The following MSLN variants were observed in gnomAD, a reference collection of about 807,000 sequenced individuals.
MSLN encodes mesothelin.
A neutral mutation model predicts 72.6 loss-of-function variants in MSLN; 82 were observed. The observed-to-expected ratio is 1.13, with a 90% confidence interval of 0.94 to 1.36. MSLN has a LOEUF of 1.36. Among genes scored for constraint, MSLN ranks in the 40% most tolerant of loss-of-function variants. The pLI is 0.00. For missense variants in MSLN, 1,005 were observed against 847.9 expected, an observed-to-expected ratio of 1.19 and a Z score of -2.30; for synonymous variants, 456 against 387.3, an observed-to-expected ratio of 1.18 and a Z score of -2.08.
intron 5 of MSLN, 113 bp downstream of exon 5, chr16:763,804 C>T: frequency 1.9e-5 from 1 of 52,582 alleles, no homozygotes; most frequent in South Asian, 1.1e-4. Flanking sequence ...TCCTCTGCTC[C>T]ACCTCAGATC....
intron 4 of MSLN, 58 bp downstream of exon 4, chr16:763,334 T>C: frequency 7.3e-7 from 1 of 1,367,782 alleles, no homozygotes; most frequent in Non-Finnish European, 1.0e-6. Context: ...GGGGGTGCCA[T>C]GCTGTGTTCT....
intron 6 of MSLN, among the ~76,000 whole-genome samples, 165 bp from the exon 7 acceptor site, chr16:764,482 C>T (rs1004999816): frequency 2.3e-4 from 35 of 152,170 alleles, no homozygotes; most frequent in African/African-American, 7.7e-4. Flanking sequence ...GGCACGGGAG[C>T]CCCCATCCCC....
intron 3 of MSLN, 26 bp downstream of exon 3, chr16:762,791 G>A: frequency 6.5e-7 from 1 of 1,547,340 alleles, no homozygotes; most frequent in Non-Finnish European, 8.7e-7. Context: ...GGCTGCTGGT[G>A]AGGTGGGGAC....
Position 766,497 on chromosome 16 carries a change from G to T in MSLN, c.1230+7G>T, listed in dbSNP as rs112279390. On this transcript the variant is annotated splice_region_variant and intron_variant, in intron 13 of 17. Coordinates refer to ENST00000545450, the MANE Select transcript of MSLN (RefSeq NM_005823.6). ...GCACGAAATGAGTCCTCAGGTGACC[G>T]TCCGGCTCGGGGGTCATGTGGCATG... 8.1e-6 allele frequency: 13 copies of T among 1,612,520 alleles called. 4 individuals carry two copies.
At position 763,204 on chromosome 16, in the gene MSLN, C is replaced by A. The variant is rs966313134; in HGVS notation, c.86-29C>A. 4.0e-6 allele frequency: 6 copies of A among 1,498,872 alleles called. No individual in the cohort carries two copies. The African/African-American group carries it at 8.4e-5, about 21-fold the overall frequency. The allele number at this position is 1,498,872 out of a possible 1,614,324, so 92.8% of individuals were successfully genotyped here. ...GGCACAGCCCAGAGGCCCGCCCCCT[C>A]CCCCAAGCTGTCCCCTCTGCCCCTT... is the stretch of plus-strand genomic sequence containing the variant. On this transcript the variant is annotated intron_variant, in intron 3 of 17. Transcript: ENST00000545450.
rs762838919 is a variant in MSLN at position 767,479 on chromosome 16, AGCGGGAGGAGGGGC to A, written c.1596+11_1596+24del. On this transcript the variant is annotated intron_variant, in intron 16 of 17. Transcript: ENST00000545450. ...GGACGGATGCGGTGCTGGTATGGCG[AGCGGGAGGAGGGGC>A]GTGTGGAGGAGGGGCCCGTGGAGGA... is the stretch of plus-strand genomic sequence containing the variant. The A allele has an allele frequency of 2.1e-6, 3 of 1,423,068 alleles. No homozygotes were observed. The highest frequency in any genetic ancestry group is 2.1e-5 in the African/African-American group (1 of 47,742). The allele number at this position is 1,423,068 out of a possible 1,614,324, so 88.2% of individuals were successfully genotyped here. A position where few individuals can be genotyped will look rare whatever the true frequency, so the allele number is the denominator to read the frequency against.
chr16:766,032 C>T (rs537669120), intron 11 of MSLN, 27 bp from the exon 12 acceptor site: 2 of 1,577,846 alleles, frequency 1.3e-6, no homozygotes, highest in Non-Finnish European at 1.7e-6. Flanking sequence ...AACTCCGGCC[C>T]TGACCCCTGA....
In MSLN at chr16:765,316, G is replaced by A. The variant is rs922436042; in HGVS notation, c.704+13G>A. ...GACCCCCCTACGGGTAAGTGAAGGT[G>A]TCTGGAACCTCGAAGGCTCACCTGG... On this transcript the variant is annotated intron_variant, in intron 9 of 17. Coordinates refer to ENST00000545450, the MANE Select transcript of MSLN (RefSeq NM_005823.6). The A allele has an allele frequency of 4.5e-6, 7 of 1,551,588 alleles. No individual in the cohort carries two copies. The highest frequency in any genetic ancestry group is 3.4e-4 in the Middle Eastern group (2 of 5,894).
chr16:763,254 C>A lies in MSLN; in HGVS notation c.107C>A (p.Thr36Asn). 6.5e-7 allele frequency: 1 copy of A among 1,542,728 alleles called. No individual in the cohort carries two copies. Among genetic ancestry groups the A allele is most frequent in the East Asian group, 2.4e-5 (1 of 40,820 alleles). ...FSLGWVQPSRTLAGETGQEAA... is the reference protein window; with the variant it reads ...FSLGWVQPSRNLAGETGQEAA... ...TTAGGATGGGTGCAGCCCTCGAGGA[C>A]CCTGGCTGGAGAGACAGGGCAGGTA... Residue 36 changes from threonine to asparagine, a missense_variant, in exon 4 of 18, where the codon ACC (threonine) becomes AAC (asparagine). Coordinates refer to ENST00000545450, the MANE Select transcript of MSLN (RefSeq NM_005823.6).
Position 765,706 on chromosome 16 carries a change from T to G in MSLN, c.811T>G (p.Trp271Gly). Residue 271 changes from tryptophan to glycine, a missense_variant, in exon 11 of 18, where the codon TGG (tryptophan) becomes GGG (glycine). Physicochemically the swap from Trp to Gly is radical, Grantham distance 184. Coordinates refer to ENST00000545450, the MANE Select transcript of MSLN (RefSeq NM_005823.6). ...TCGTCCTCAGGGCATCGTGGCCGCGTGGCGGCAACGCTCCTCTCGGGACCC... is the reference window on the plus strand; with the variant it reads ...TCGTCCTCAGGGCATCGTGGCCGCGGGGCGGCAACGCTCCTCTCGGGACCC... ...RSIPQGIVAA[W>G]RQRSSRDPSW... 6.2e-7 allele frequency: 1 copy of G among 1,600,886 alleles called. No individual in the cohort carries two copies.
At chr16:765,461 C>G (rs1189882751) in intron 9 of MSLN, 66 bp from the exon 10 acceptor site, 1 of 1,496,160 alleles carries the variant, frequency 6.7e-7, no homozygotes, top group African/African-American at 1.4e-5. Flanking sequence ...GGGGGTACGG[C>G]CTGGCCTCTT....
intron 5 of MSLN, 100 bp downstream of exon 5, chr16:763,791 T>TCCCCTCCCCCACACCCCTCCCC: frequency 4.7e-6 from 3 of 635,464 alleles, no homozygotes; most frequent in Non-Finnish European, 8.0e-6. Context: ...CCCTCCCCCT[T>TCCCCTCCCCCACACCCCTCCCC]CCTCCTCTGC....
chr16:764,666 G>A lies in MSLN; in HGVS notation c.320G>A (p.Arg107Gln), dbSNP rs989324901. 2.3e-5 allele frequency: 37 copies of A among 1,612,356 alleles called. No homozygotes were observed. The highest frequency in any genetic ancestry group is 3.1e-5 in the Non-Finnish European group (36 of 1,179,810). ...STEQLRCLAH[R>Q]LSEPPEDLDA... ...CTGCAGCTGCGCTGTCTGGCTCACC[G>A]GCTCTCTGAGCCCCCCGAGGACCTG... Residue 107 changes from arginine to glutamine, a missense_variant, in exon 7 of 18, where the codon CGG becomes CAG. By Grantham distance (43) the Arg-to-Gln change is conservative (BLOSUM62 1). Transcript: ENST00000545450.
Position 766,219 on chromosome 16 carries a change from A to T in MSLN, c.1056A>T (p.Leu352=). The T allele has an allele frequency of 6.2e-7, 1 of 1,611,014 alleles. No homozygotes were observed. The highest frequency in any genetic ancestry group is 1.7e-5 in the Admixed American group (1 of 60,002). ...IPFTYEQLDV[L]KHKLDELYPQ... ...TCACCTACGAGCAGCTGGACGTCCTAAAGCATAAACTGGATGAGGTAGTTC... is the reference window on the plus strand; with the variant it reads ...TCACCTACGAGCAGCTGGACGTCCTTAAGCATAAACTGGATGAGGTAGTTC... The change falls in exon 12 of 18, where the codon CTA becomes CTT. Residue 352 remains leucine (L), a synonymous_variant. Coordinates refer to ENST00000545450, the MANE Select transcript of MSLN (RefSeq NM_005823.6).
intron 7 of MSLN, 33 bp downstream of exon 7, chr16:764,759 C>T: frequency 6.5e-7 from 1 of 1,534,684 alleles, no homozygotes; most frequent in Middle Eastern, 2.1e-4. Context: ...ACCCCCCCGG[C>T]TTTTGCCGCC....
chr16:764,246 G>A (rs2041574359), intron 6 of MSLN, 103 bp downstream of exon 6: 1 of 1,433,134 alleles, frequency 7.0e-7, no homozygotes, highest in Middle Eastern at 2.2e-4. Context: ...CTCTGTCCCT[G>A]CTGCCATCTC....
In MSLN at chr16:763,836, G is replaced by A. The variant is rs1365817697; in HGVS notation, c.179+145G>A. ...GATCTGACTGGGCTCAGGACTGCGGGAGGGACTGACACCCCTCAGGTGATG... is the reference window on the plus strand; with the variant it reads ...GATCTGACTGGGCTCAGGACTGCGGAAGGGACTGACACCCCTCAGGTGATG... On this transcript the variant is annotated intron_variant, in intron 5 of 17. Coordinates refer to ENST00000545450, the MANE Select transcript of MSLN (RefSeq NM_005823.6). 38 of 86,832 alleles carry A rather than the reference G, an allele frequency of 4.4e-4. No individual in the cohort carries two copies. The East Asian group carries it at 0.033, about 76-fold the overall frequency. The allele number at this position is 86,832 out of a possible 1,614,324, so 5.4% of individuals were successfully genotyped here.
rs375105868 is a variant in MSLN, at chr16:762,653, G to A, written c.-9-19G>A. 31 of 1,591,796 alleles carry A rather than the reference G, an allele frequency of 1.9e-5. No homozygotes were observed. Among genetic ancestry groups the A allele is most frequent in the African/African-American group, 6.7e-5 (5 of 74,412 alleles). Reference sequence around the variant, plus strand: ...GGGTGGGAGCAGGGGGTCCCATCCTGAGTCACTGCCCTCCACAGACACAGA... The same window carrying A: ...GGGTGGGAGCAGGGGGTCCCATCCTAAGTCACTGCCCTCCACAGACACAGA... On this transcript the variant is annotated intron_variant, in intron 2 of 17. Coordinates refer to ENST00000545450, the MANE Select transcript of MSLN (RefSeq NM_005823.6).
chr16:764,740 C>A lies in MSLN; in HGVS notation c.380+14C>A, dbSNP rs372814626. 1 of 1,598,208 alleles carries A rather than the reference C, an allele frequency of 6.3e-7. No individual in the cohort carries two copies. The highest frequency in any genetic ancestry group is 2.0e-4 in the Middle Eastern group (1 of 5,064). On this transcript the variant is annotated intron_variant, in intron 7 of 17. Transcript: ENST00000545450. ...GCTATTCCTCAAGTAGGCCCTGCCC[C>A]CTGAACCCACCCCCCCGGCTTTTGC...
Sources: allele counts gnomAD v4.1 joint callset (sites outside exome capture counted in the v4.1 genomes callset), GRCh38; gene constraint gnomAD v4.1.1; transcripts MANE v1.5; gene names NCBI Gene and HGNC (gene_info 2026-07-23, HGNC 2026-07-21).